Variants in ARHGAP15 observed in about 807,000 individuals in gnomAD.
The protein encoded by ARHGAP15 is rho GTPase-activating protein 15.
Under a neutral mutation model 63.7 loss-of-function variants are expected in ARHGAP15, and 51 were observed. That is an observed-to-expected ratio of 0.80 (90% CI 0.64 to 1.01). The LOEUF is 1.01. Ranked by LOEUF, ARHGAP15 falls within the 50% of genes least tolerant of loss-of-function variation. The probability of loss-of-function intolerance (pLI) is 0.00; values close to 1 mark genes in which losing one functional copy is unlikely to be tolerated. For synonymous variants in ARHGAP15, 191 were observed against 193.8 expected (o/e 0.99, Z 0.12); for missense variants, 560 against 564.6 (o/e 0.99, Z 0.08).
At position 143,499,965 on chromosome 2, in the gene ARHGAP15, T is replaced by A. The variant is rs76552644; in HGVS notation, c.826+12470T>A. ...CTCCCCCTCCTTAAATCAGCAATAC[T>A]TATATAAAACAGGCTTTATGAAAAC... On this transcript the variant is annotated intron_variant, in intron 9 of 13. Coordinates refer to ENST00000295095, the MANE Select transcript of ARHGAP15 (RefSeq NM_018460.4). Among the ~76,000 whole-genome samples the A allele has an allele frequency of 1.5e-3, 229 of 152,172 alleles. 5 individuals are homozygous for A. The East Asian group carries it at 0.043, about 29-fold the overall frequency.
At chr2:143,683,887 G>C (rs189356583) in intron 12 of ARHGAP15, among the ~76,000 whole-genome samples, 1 of 152,102 alleles carries the variant, frequency 6.6e-6, no homozygotes, top group East Asian at 1.9e-4. Flanking sequence ...AAGGGTATTT[G>C]CATGTTGCTG....
chr2:143,750,991 T>C (rs969227245), intron 13 of ARHGAP15, among the ~76,000 whole-genome samples: 1 of 152,154 alleles, frequency 6.6e-6, no homozygotes, highest in African/African-American at 2.4e-5. Context: ...AGATGTCAGG[T>C]CTTCCCTTTC....
chr2:143,597,505 T>G (rs1697568929), intron 11 of ARHGAP15, among the ~76,000 whole-genome samples: 1 of 152,054 alleles, frequency 6.6e-6, no homozygotes, highest in Non-Finnish European at 1.5e-5. Context: ...AGTCGCCAGC[T>G]TGATGGAGTG....
At chr2:143,414,982 C>T (rs1688613583) in intron 6 of ARHGAP15, among the ~76,000 whole-genome samples, 1 of 151,988 alleles carries the variant, frequency 6.6e-6, no homozygotes, top group Non-Finnish European at 1.5e-5. Context: ...ATTGAATAAC[C>T]AGAAAACAAA....
chr2:143,746,646 A>C (rs1294548660), intron 13 of ARHGAP15, among the ~76,000 whole-genome samples: 1 of 152,252 alleles, frequency 6.6e-6, no homozygotes, highest in African/African-American at 2.4e-5. Context: ...GGAAAGCTGA[A>C]GGTAACATAT....
chr2:143,334,096 G>A (rs1684666413), intron 6 of ARHGAP15, among the ~76,000 whole-genome samples: 1 of 152,182 alleles, frequency 6.6e-6, no homozygotes, highest in Non-Finnish European at 1.5e-5. Flanking sequence ...TATCAAGCAG[G>A]ATCCTAGTTG....
At chr2:143,161,252 C>T (rs1224356999) in intron 2 of ARHGAP15, among the ~76,000 whole-genome samples, 1 of 151,840 alleles carries the variant, frequency 6.6e-6, no homozygotes, top group Non-Finnish European at 1.5e-5. Context: ...AAACGTGTTT[C>T]CAGAGGGGAG....
chr2:143,637,215 G>C (rs942875145), intron 12 of ARHGAP15, among the ~76,000 whole-genome samples: 1 of 152,022 alleles, frequency 6.6e-6, no homozygotes, highest in African/African-American at 2.4e-5. Flanking sequence ...TCAGTGGACC[G>C]TTTTATTTGC....
chr2:143,678,915 C>T (rs1176890691), intron 12 of ARHGAP15, among the ~76,000 whole-genome samples: 1 of 152,106 alleles, frequency 6.6e-6, no homozygotes, highest in East Asian at 1.9e-4. Context: ...TGAAAGCATA[C>T]ATTTTTTAGT....
chr2:143,163,795 A>G (rs748557724), intron 2 of ARHGAP15, among the ~76,000 whole-genome samples: 1 of 152,124 alleles, frequency 6.6e-6, no homozygotes, highest in South Asian at 2.1e-4. Context: ...AGGAGGCGAT[A>G]TAAGTGGGGG....
chr2:143,280,721 TA>T (rs1234213951), intron 6 of ARHGAP15, among the ~76,000 whole-genome samples: 2 of 152,146 alleles, frequency 1.3e-5, no homozygotes, highest in Admixed American at 6.6e-5. Context: ...GACATTAGCT[TA>T]AAAAGCTAAG....
intron 6 of ARHGAP15, among the ~76,000 whole-genome samples, chr2:143,415,617 C>A (rs1290974270): frequency 6.6e-6 from 1 of 152,056 alleles, no homozygotes; most frequent in Non-Finnish European, 1.5e-5. Context: ...AATCATGTTC[C>A]GTTTTAAAAG....
At chr2:143,394,107 C>T (rs1687659183) in intron 6 of ARHGAP15, among the ~76,000 whole-genome samples, 1 of 152,170 alleles carries the variant, frequency 6.6e-6, no homozygotes, top group Admixed American at 6.6e-5. Context: ...AATAAGCCTA[C>T]AATACATACA....
intron 6 of ARHGAP15, among the ~76,000 whole-genome samples, chr2:143,338,285 G>A (rs1684897340): frequency 1.3e-5 from 2 of 152,102 alleles, no homozygotes; most frequent in African/African-American, 4.8e-5. Flanking sequence ...AATAAACATA[G>A]AGCTGTATAT....
At chr2:143,600,103 G>T (rs554664603) in intron 11 of ARHGAP15, among the ~76,000 whole-genome samples, 1 of 152,232 alleles carries the variant, frequency 6.6e-6, no homozygotes, top group African/African-American at 2.4e-5. Flanking sequence ...ACACATGGAT[G>T]AAGTTATTTA....
At chr2:143,317,358 G>A (rs1254361742) in intron 6 of ARHGAP15, among the ~76,000 whole-genome samples, 2 of 152,124 alleles carry the variant, frequency 1.3e-5, no homozygotes, top group African/African-American at 4.8e-5. Context: ...TGTCACTATG[G>A]CAGACTAAAA....
intron 6 of ARHGAP15, among the ~76,000 whole-genome samples, chr2:143,280,715 T>A (rs1193373648): frequency 6.6e-6 from 1 of 152,144 alleles, no homozygotes; most frequent in Non-Finnish European, 1.5e-5. Context: ...AGTGCTGACA[T>A]TAGCTTAAAA....
intron 13 of ARHGAP15, among the ~76,000 whole-genome samples, chr2:143,725,674 C>T (rs1685241810): frequency 6.6e-6 from 1 of 152,182 alleles, no homozygotes; most frequent in South Asian, 2.1e-4. Flanking sequence ...TACCTTAAGA[C>T]CTTCCTCAAG....
chr2:143,129,643 C>A (rs1688844319), intron 1 of ARHGAP15, among the ~76,000 whole-genome samples, 177 bp downstream of exon 1: 1 of 152,096 alleles, frequency 6.6e-6, no homozygotes, highest in Non-Finnish European at 1.5e-5. Flanking sequence ...ATATTTGCAG[C>A]TGTCAAATTC....
Sources: allele counts gnomAD v4.1 joint callset (sites outside exome capture counted in the v4.1 genomes callset), GRCh38; gene constraint gnomAD v4.1.1; transcripts MANE v1.5; gene names NCBI Gene and HGNC (gene_info 2026-07-23, HGNC 2026-07-21).